The following CRTC1 variants were observed in gnomAD, a reference collection of about 807,000 sequenced individuals.
CRTC1 encodes CREB-regulated transcription coactivator 1.
A neutral mutation model predicts 66.1 loss-of-function variants in CRTC1; 18 were observed. The observed-to-expected ratio is 0.27, with a 90% CI of 0.19 to 0.40. The LOEUF (loss-of-function observed/expected upper bound fraction) is 0.40, where lower values mean the gene tolerates loss of function less well. Among genes scored for constraint, CRTC1 ranks in the 10% least tolerant of loss-of-function variants. CRTC1 has a pLI of 1.00. For synonymous variants in CRTC1, 416 were observed against 398.8 expected (o/e 1.04, Z -0.51); for missense variants, 669 against 887.9 (o/e 0.75, Z 3.13).
intron 5 of CRTC1, among the ~76,000 whole-genome samples, chr19:18,751,327 G>A (rs987893067): frequency 1.3e-5 from 2 of 152,134 alleles, no homozygotes; most frequent in African/African-American, 2.4e-5. Context: ...TTTGAGACCA[G>A]CCTGGGCAAC....
At chr19:18,694,361 C>A (rs1301927608) in intron 1 of CRTC1, among the ~76,000 whole-genome samples, 1 of 151,754 alleles carries the variant, frequency 6.6e-6, no homozygotes, top group Non-Finnish European at 1.5e-5. Flanking sequence ...AGTTGGGACC[C>A]ACTGAATTGA....
At chr19:18,688,681 G>T (rs941849270) in intron 1 of CRTC1, among the ~76,000 whole-genome samples, 2 of 151,858 alleles carry the variant, frequency 1.3e-5, no homozygotes, top group East Asian at 1.9e-4. Flanking sequence ...CAGGTGATCC[G>T]CCCACCTCGG....
chr19:18,699,658 G>A (rs2053081729), intron 1 of CRTC1, among the ~76,000 whole-genome samples: 1 of 152,202 alleles, frequency 6.6e-6, no homozygotes, highest in African/African-American at 2.4e-5. Flanking sequence ...AGCCACACCT[G>A]TGCCAGCTGG....
intron 1 of CRTC1, among the ~76,000 whole-genome samples, chr19:18,702,049 G>A (rs1419136082): frequency 6.7e-6 from 1 of 149,382 alleles, no homozygotes; most frequent in African/African-American, 2.5e-5. Context: ...TCAGCCTCCC[G>A]AGTAGCTGGG....
rs781127295 is a variant in CRTC1, at chr19:18,771,452, T to C, written c.1331T>C (p.Leu444Pro). 1.2e-6 allele frequency: 2 copies of C among 1,613,074 alleles called. No homozygotes were observed. The highest frequency in any genetic ancestry group is 1.1e-5 in the South Asian group (1 of 90,990). The stretch of plus-strand genomic sequence containing the variant: ...TGTCTGTCATCGCAGGCGCCGGCTC[T>C]GCAGCAGTACCGCACTAGCGCCGGC... ...MGIDIASAPALQQYRTSAGSP... is the reference protein window; with the variant it reads ...MGIDIASAPAPQQYRTSAGSP... The change falls in exon 11 of 14, where the codon CTG becomes CCG. Residue 444 changes from leucine to proline, a missense_variant. Physicochemically the swap from Leu to Pro is moderately conservative, Grantham distance 98. Around this residue, in one of 8 missense-constraint regions of CRTC1, gnomAD observed 241 missense variants for 242.2 expected, o/e 0.99. Transcript: ENST00000321949. This position sits in a 1 kb window ranked among gnomAD's most constrained non-coding sequence, Gnocchi z 4.6.
At chr19:18,695,924 G>A (rs1290959872) in intron 1 of CRTC1, among the ~76,000 whole-genome samples, 2 of 152,154 alleles carry the variant, frequency 1.3e-5, no homozygotes, top group Non-Finnish European at 2.9e-5. Flanking sequence ...CCCACCACAG[G>A]GAATTATCCA....
At chr19:18,738,723 C>G (rs537388325) in intron 1 of CRTC1, among the ~76,000 whole-genome samples, 4 of 152,262 alleles carry the variant, frequency 2.6e-5, no homozygotes, top group Non-Finnish European at 5.9e-5. Context: ...TCGCTTGAAC[C>G]CAGGAGGTAG....
chr19:18,777,090 G>T lies in CRTC1; in HGVS notation c.1694-81G>T. 1 of 793,332 alleles carries T rather than the reference G, an allele frequency of 1.3e-6. No homozygotes were observed. The allele number at this position is 793,332 out of a possible 1,614,324, so 49.1% of individuals were successfully genotyped here. On this transcript the variant is annotated intron_variant, in intron 13 of 13. Coordinates refer to ENST00000321949, the MANE Select transcript of CRTC1 (RefSeq NM_015321.3). This position sits in a 1 kb window ranked among gnomAD's most constrained non-coding sequence, Gnocchi z 5.5. ...TACCCAGGGGACAGAGTCGCCCGGC[G>T]GGCATGCCTGGTCCGACACATGGAT...
At chr19:18,756,594 A>G (rs568057806) in intron 6 of CRTC1, among the ~76,000 whole-genome samples, 91 of 148,970 alleles carry the variant, frequency 6.1e-4, no homozygotes, top group Non-Finnish European at 3.8e-4. Context: ...AGCCTGGGCA[A>G]CAGAGCAAGA....
chr19:18,717,985 A>G (rs146455344), intron 1 of CRTC1, among the ~76,000 whole-genome samples: 2,708 of 152,266 alleles, frequency 0.018, 23 homozygotes, highest in Middle Eastern at 0.027. Flanking sequence ...TTTGAATCTT[A>G]CTTATCTATT....
chr19:18,765,452 GC>G lies in CRTC1; in HGVS notation c.940del (p.Leu314CysfsTer3). 1 of 1,612,682 alleles carries G rather than the reference GC, an allele frequency of 6.2e-7. No individual in the cohort carries two copies. ...SSPQHRPAGV[S>X]PLSLSTEARR... ...CCACAGCACCGCCCAGCTGGCGTCAGCCCCCTGTCCCTGAGCACAGAGGCAA... is the reference window on the plus strand; with the variant it reads ...CCACAGCACCGCCCAGCTGGCGTCAGCCCCTGTCCCTGAGCACAGAGGCAA... On this transcript the variant is annotated frameshift_variant, in exon 9 of 14. Transcript: ENST00000321949. LOFTEE classifies it high-confidence loss of function.
intron 10 of CRTC1, among the ~76,000 whole-genome samples, chr19:18,770,914 G>A (rs759610027): frequency 1.1e-4 from 17 of 151,454 alleles, no homozygotes; most frequent in Admixed American, 2.0e-4. Context: ...GGGTATGTAC[G>A]TTTGTGTGTG....
rs570902183 is a variant in CRTC1, at chr19:18,703,619, T to C, written c.126+19791T>C. On this transcript the variant is annotated intron_variant, in intron 1 of 13. Coordinates refer to ENST00000321949, the MANE Select transcript of CRTC1 (RefSeq NM_015321.3). ...CTGAGATTATAGGCATGCACCACCATGCCCGGCTAATTTTTGCGTTTTTAG... is the reference window on the plus strand; with the variant it reads ...CTGAGATTATAGGCATGCACCACCACGCCCGGCTAATTTTTGCGTTTTTAG... Among the ~76,000 whole-genome samples the C allele has an allele frequency of 1.1e-4, 17 of 152,216 alleles. 1 individual carries two copies. The highest frequency in any genetic ancestry group is 4.1e-4 in the African/African-American group (17 of 41,538).
At chr19:18,709,446 C>A (rs1474774071) in intron 1 of CRTC1, among the ~76,000 whole-genome samples, 2 of 152,146 alleles carry the variant, frequency 1.3e-5, no homozygotes, top group Non-Finnish European at 2.9e-5. Flanking sequence ...AGGACAGCTT[C>A]AGAGGGAGAA....
At chr19:18,764,725 G>A (rs904562734) in intron 8 of CRTC1, among the ~76,000 whole-genome samples, 30 of 152,212 alleles carry the variant, frequency 2.0e-4, no homozygotes, top group African/African-American at 7.2e-4. Flanking sequence ...CTGCAGCTTG[G>A]GGAATGCACC....
At position 18,727,996 on chromosome 19, in the gene CRTC1, G is replaced by A. The variant is rs180950680; in HGVS notation, c.127-14914G>A. On this transcript the variant is annotated intron_variant, in intron 1 of 13. Transcript: ENST00000321949. ...CCACCTCAGCCTCCCAAAGCGCTGG[G>A]ATTACAGGCGTGAGCCACCGTGCCC... Among the ~76,000 whole-genome samples the A allele has an allele frequency of 2.0e-3, 312 of 152,312 alleles. 1 individual carries two copies. The highest frequency in any genetic ancestry group is 2.9e-3 in the Non-Finnish European group (194 of 68,026).
At position 18,747,037 on chromosome 19, in the gene CRTC1, C is replaced by T; in HGVS notation, c.382-16C>T. On this transcript the variant is annotated splice_polypyrimidine_tract_variant and intron_variant, in intron 3 of 13. Transcript: ENST00000321949. ...GGGGTCTCAGCCAGTGGCACTGCCC[C>T]CTTAACTCACCTCACGCCGACAGCT... The T allele has an allele frequency of 6.2e-7, 1 of 1,612,770 alleles. No individual in the cohort carries two copies. Among genetic ancestry groups the T allele is most frequent in the Non-Finnish European group, 8.5e-7 (1 of 1,179,364 alleles).
intron 2 of CRTC1, among the ~76,000 whole-genome samples, 181 bp downstream of exon 2, chr19:18,743,207 C>CCGCA (rs1207433527): frequency 6.6e-6 from 1 of 152,274 alleles, no homozygotes; most frequent in Non-Finnish European, 1.5e-5. Flanking sequence ...CAGGGTGCCC[C>CCGCA]CGCAGCCCAT....
At chr19:18,703,880 G>A (rs2053202481) in intron 1 of CRTC1, among the ~76,000 whole-genome samples, 1 of 152,240 alleles carries the variant, frequency 6.6e-6, no homozygotes, top group East Asian at 1.9e-4. Flanking sequence ...TTGCAGGCGA[G>A]AGCCACTGCG....
Sources: gnomAD v4.1 joint callset for allele counts (sites outside exome capture counted in the v4.1 genomes callset) on GRCh38, gnomAD v4.1.1 for gene constraint, gnomAD v4.1.1 regional missense constraint, Gnocchi (gnomAD v3.1) non-coding constraint, MANE v1.5 for transcripts, NCBI Gene and HGNC (gene_info 2026-07-23, HGNC 2026-07-21) for gene names.